BEND5: variants seen among roughly 807,000 people sequenced by gnomAD.
The protein encoded by BEND5 is BEN domain containing 5.
BEND5 carries 22 observed loss-of-function variants against 43.9 expected under a neutral mutation model. The observed-to-expected ratio is 0.50, with a 90% CI of 0.36 to 0.72. The LOEUF (loss-of-function observed/expected upper bound fraction) is 0.72, where lower values mean the gene tolerates loss of function less well. BEND5 is among the 30% of genes least tolerant of loss of function. The pLI is 0.00. For missense variants in BEND5, 428 were observed against 550.6 expected (o/e 0.78, Z 2.23); for synonymous variants, 228 against 225.9 (o/e 1.01, Z -0.08).
intron 4 of BEND5, 77 bp downstream of exon 4, chr1:48,742,546 A>C: frequency 1.5e-6 from 2 of 1,321,428 alleles, no homozygotes; most frequent in Non-Finnish European, 2.0e-6. Context: ...CGATTTGGAA[A>C]GCTCCCACCA....
intron 3 of BEND5, among the ~76,000 whole-genome samples, chr1:48,750,746 G>A (rs972608702): frequency 6.6e-6 from 1 of 152,244 alleles, no homozygotes; most frequent in Non-Finnish European, 1.5e-5. Context: ...AAGGCAGTGA[G>A]TGAGCTTCTT....
intron 3 of BEND5, among the ~76,000 whole-genome samples, chr1:48,757,101 T>A (rs1302764844): frequency 6.6e-6 from 1 of 152,210 alleles, no homozygotes; most frequent in Non-Finnish European, 1.5e-5. Context: ...TAAACTCAGT[T>A]CATAATCATG....
intron 4 of BEND5, among the ~76,000 whole-genome samples, chr1:48,739,280 C>T (rs536440645): frequency 1.3e-5 from 2 of 152,200 alleles, no homozygotes; most frequent in Non-Finnish European, 2.9e-5. Context: ...CCCTAAAATA[C>T]CTCCTTCCTT....
chr1:48,747,681 AGTTACG>A (rs1392082129), intron 3 of BEND5, among the ~76,000 whole-genome samples: 1 of 152,244 alleles, frequency 6.6e-6, no homozygotes, highest in Non-Finnish European at 1.5e-5. Flanking sequence ...CATGACACAC[AGTTACG>A]GTCTTTGTAA....
chr1:48,747,631 C>T (rs1426880416), intron 3 of BEND5, among the ~76,000 whole-genome samples: 3 of 152,222 alleles, frequency 2.0e-5, no homozygotes, highest in Non-Finnish European at 4.4e-5. Context: ...ATTTACTTTA[C>T]CTCTTTAAGC....
At chr1:48,756,666 C>G (rs1643946943) in intron 3 of BEND5, among the ~76,000 whole-genome samples, 2 of 152,198 alleles carry the variant, frequency 1.3e-5, no homozygotes, top group African/African-American at 2.4e-5. Flanking sequence ...GGGTAGAGAT[C>G]CTTTTATTTT....
chr1:48,759,341 G>T (rs1338835941), intron 2 of BEND5, 57 bp from the exon 3 acceptor site: 5 of 1,520,576 alleles, frequency 3.3e-6, no homozygotes, highest in African/African-American at 1.4e-5. Context: ...TTCTTGGACT[G>T]CAGATCAATA....
intron 1 of BEND5, 21 bp downstream of exon 1, chr1:48,776,585 C>A: frequency 1.4e-6 from 2 of 1,396,758 alleles, no homozygotes; most frequent in Non-Finnish European, 9.3e-7. Flanking sequence ...TCCCACCGTC[C>A]CTCCCCGCCC....
chr1:48,734,415 C>A (rs1648677452), intron 5 of BEND5, among the ~76,000 whole-genome samples: 1 of 152,218 alleles, frequency 6.6e-6, no homozygotes, highest in South Asian at 2.1e-4. Flanking sequence ...AGCAGCATCT[C>A]TCACCAAGAG....
At chr1:48,775,413 G>A (rs1645029528) in intron 1 of BEND5, among the ~76,000 whole-genome samples, 1 of 152,128 alleles carries the variant, frequency 6.6e-6, no homozygotes, top group Non-Finnish European at 1.5e-5. Flanking sequence ...TAGGCTAAAT[G>A]TGAGGAAGCA....
At chr1:48,746,239 GTAAA>G (rs1650734916) in intron 3 of BEND5, among the ~76,000 whole-genome samples, 1 of 151,980 alleles carries the variant, frequency 6.6e-6, no homozygotes, top group African/African-American at 2.4e-5. Flanking sequence ...GGTTTTTTTG[GTAAA>G]TAGTCATTCA....
chr1:48,758,949 A>G lies in BEND5; in HGVS notation c.696T>C (p.Arg232=). 1.3e-6 allele frequency: 2 copies of G among 1,595,914 alleles called. No homozygotes were observed. The highest frequency in any genetic ancestry group is 1.7e-6 in the Non-Finnish European group (2 of 1,171,998). Residue 232 remains arginine, a synonymous_variant, in exon 3 of 6, where the codon CGT becomes CGC. Coordinates refer to ENST00000371833, the MANE Select transcript of BEND5 (RefSeq NM_024603.4). ...CGTCCTGGAGCCTCCGGTTAAGGTC[A>G]CGGAGCTCCTTCATTTCAGACACAA... ...GALVSEMKEL[R]DLNRRLQDVL... is the part of the protein sequence containing the mutation.
intron 3 of BEND5, among the ~76,000 whole-genome samples, chr1:48,754,760 G>A (rs1005440805): frequency 5.3e-5 from 8 of 152,112 alleles, no homozygotes; most frequent in African/African-American, 1.9e-4. Context: ...GGAAAGTTCT[G>A]TTTTACAGAG....
intron 5 of BEND5, among the ~76,000 whole-genome samples, chr1:48,729,558 T>C (rs957587156): frequency 2.0e-5 from 3 of 152,068 alleles, no homozygotes; most frequent in Admixed American, 1.3e-4. Context: ...CTAGAGGGGA[T>C]TGTGAAGACT....
At chr1:48,750,916 C>A (rs1238445576) in intron 3 of BEND5, among the ~76,000 whole-genome samples, 1 of 152,070 alleles carries the variant, frequency 6.6e-6, no homozygotes, top group East Asian at 1.9e-4. Context: ...CTCAGAGTAC[C>A]CCCTGGAGCA....
At chr1:48,752,188 G>A (rs893018266) in intron 3 of BEND5, among the ~76,000 whole-genome samples, 1 of 152,080 alleles carries the variant, frequency 6.6e-6, no homozygotes, top group Non-Finnish European at 1.5e-5. Flanking sequence ...CACCCGCTTT[G>A]GGCCTTTCTC....
chr1:48,767,301 C>A (rs1644578430), intron 1 of BEND5, among the ~76,000 whole-genome samples: 1 of 152,138 alleles, frequency 6.6e-6, no homozygotes, highest in Admixed American at 6.5e-5. Flanking sequence ...GTAAAAGCAC[C>A]AAGCACAGTG....
At chr1:48,735,958 G>T (rs1328199045) in intron 5 of BEND5, among the ~76,000 whole-genome samples, 1 of 152,020 alleles carries the variant, frequency 6.6e-6, no homozygotes, top group African/African-American at 2.4e-5. Context: ...TCCAGCTAAG[G>T]GTATCCTCCC....
intron 1 of BEND5, among the ~76,000 whole-genome samples, chr1:48,768,474 AT>A (rs1437765161): frequency 6.6e-6 from 1 of 152,236 alleles, no homozygotes; most frequent in Non-Finnish European, 1.5e-5. Context: ...TAAACATTCC[AT>A]TAAACTTACT....
Sources: allele counts gnomAD v4.1 joint callset (sites outside exome capture counted in the v4.1 genomes callset), GRCh38; gene constraint gnomAD v4.1.1; transcripts MANE v1.5; gene names NCBI Gene and HGNC (gene_info 2026-07-23, HGNC 2026-07-21).